The following PITPNB variants were observed in gnomAD, a reference collection of about 807,000 sequenced individuals.
The protein encoded by PITPNB is phosphatidylinositol transfer protein beta.
In PITPNB, 16 loss-of-function variants were observed where a neutral mutation model predicts 45.9. The ratio of observed to expected loss-of-function variants is 0.35; its 90% CI spans 0.24 to 0.53. The LOEUF (loss-of-function observed/expected upper bound fraction) is 0.53. Ranked by LOEUF, PITPNB falls within the 20% of genes least tolerant of loss-of-function variation. The pLI is 0.93. For missense variants in PITPNB, 188 were observed against 330.5 expected (o/e 0.57, Z 3.34); for synonymous variants, 112 against 108.9 (o/e 1.03, Z -0.18).
intron 7 of PITPNB, among the ~76,000 whole-genome samples, chr22:27,880,834 C>T (rs564219258): frequency 6.6e-6 from 1 of 152,296 alleles, no homozygotes; most frequent in East Asian, 1.9e-4. Context: ...GTTGGTCAGG[C>T]TGGTCTCGAA....
chr22:27,865,799 C>T (rs1055965061), intron 8 of PITPNB, among the ~76,000 whole-genome samples: 6 of 152,098 alleles, frequency 3.9e-5, no homozygotes, highest in African/African-American at 9.7e-5. Context: ...AACAAATCCC[C>T]GTGACATGTG....
intron 3 of PITPNB, among the ~76,000 whole-genome samples, chr22:27,906,842 T>G (rs139173188): frequency 7.2e-5 from 11 of 152,202 alleles, no homozygotes; most frequent in African/African-American, 2.7e-4. Flanking sequence ...AAATGTCCCG[T>G]GCAATGAGTA....
intron 7 of PITPNB, among the ~76,000 whole-genome samples, chr22:27,887,206 C>T (rs549406768): frequency 3.9e-5 from 6 of 152,266 alleles, no homozygotes; most frequent in South Asian, 2.1e-4. Context: ...TAAACACAGG[C>T]GCATTAGAGG....
intron 8 of PITPNB, among the ~76,000 whole-genome samples, chr22:27,866,817 TAA>T (rs1934498802): frequency 6.6e-6 from 1 of 152,202 alleles, no homozygotes; most frequent in Non-Finnish European, 1.5e-5. Context: ...TCTGTGATGT[TAA>T]GTTTCCAACC....
rs538651529 is a variant in PITPNB, at chr22:27,885,703, A to G, written c.456+8852T>C. On this transcript the variant is annotated intron_variant, in intron 7 of 11. Transcript: ENST00000335272. ...ATTTTTAGAATTTAAGGCATATAATATATATCTTATCCAGAATTACTAAAG... is the reference window on the plus strand; with the variant it reads ...ATTTTTAGAATTTAAGGCATATAATGTATATCTTATCCAGAATTACTAAAG... Among the ~76,000 whole-genome samples the G allele has an allele frequency of 2.5e-3, 386 of 152,284 alleles. 3 individuals carry two copies. The highest frequency in any genetic ancestry group is 0.017 in the Middle Eastern group (5 of 294).
At chr22:27,898,262 C>T (rs1935489863) in intron 3 of PITPNB, among the ~76,000 whole-genome samples, 1 of 152,014 alleles carries the variant, frequency 6.6e-6, no homozygotes. Flanking sequence ...GTAGCCCCAA[C>T]TATTCAGGAG....
At chr22:27,854,492 T>C (rs1473897360) in intron 11 of PITPNB, among the ~76,000 whole-genome samples, 1 of 152,188 alleles carries the variant, frequency 6.6e-6, no homozygotes, top group African/African-American at 2.4e-5. Context: ...TCTCAAGTGA[T>C]TTTGCATATT....
chr22:27,870,237 C>T (rs1480899672), intron 8 of PITPNB, among the ~76,000 whole-genome samples: 4 of 152,186 alleles, frequency 2.6e-5, no homozygotes, highest in Non-Finnish European at 5.9e-5. Context: ...GCTGAACTTA[C>T]ACCACAGGAA....
chr22:27,884,130 C>T lies in PITPNB; in HGVS notation c.457-10315G>A, dbSNP rs534096920. 2.2e-5 allele frequency among the ~76,000 whole-genome samples: 3 copies of T among 139,490 alleles called. No homozygotes were observed. In the East Asian group the frequency reaches 5.9e-4, roughly 27 times the overall value. 91.5% of individuals were successfully genotyped at this position (139,490 alleles called of 152,430 possible). ...TCAACAGCAGCAACAACCCAGGGAC[C>T]ACACAGTGTAGGGAGGGAAGGCTGG... On this transcript the variant is annotated intron_variant, in intron 7 of 11. Transcript: ENST00000335272.
At chr22:27,878,253 T>G (rs922104791) in intron 7 of PITPNB, among the ~76,000 whole-genome samples, 2 of 152,162 alleles carry the variant, frequency 1.3e-5, no homozygotes, top group Admixed American at 6.5e-5. Flanking sequence ...TGCCCTGAAT[T>G]TTCCAGTATT....
intron 8 of PITPNB, among the ~76,000 whole-genome samples, chr22:27,860,895 G>C (rs961385039): frequency 6.6e-6 from 1 of 151,922 alleles, no homozygotes; most frequent in Non-Finnish European, 1.5e-5. Flanking sequence ...TTTTTTTAAA[G>C]AGCCAAGAGA....
At chr22:27,878,376 T>TA (rs1934878796) in intron 7 of PITPNB, among the ~76,000 whole-genome samples, 3 of 151,958 alleles carry the variant, frequency 2.0e-5, no homozygotes, top group South Asian at 4.2e-4. Context: ...GTAAGCCCAT[T>TA]AAAAAAAAGT....
At chr22:27,911,329 T>C (rs1473458955) in intron 2 of PITPNB, among the ~76,000 whole-genome samples, 1 of 152,228 alleles carries the variant, frequency 6.6e-6, no homozygotes. Context: ...TTTTATAAAC[T>C]TTCATTATTC....
intron 7 of PITPNB, among the ~76,000 whole-genome samples, chr22:27,875,960 A>C (rs992396501): frequency 3.3e-5 from 5 of 152,212 alleles, no homozygotes; most frequent in Non-Finnish European, 7.3e-5. Context: ...GCAGCAAAGG[A>C]AACACACTTT....
chr22:27,889,798 T>C (rs1935222868), intron 7 of PITPNB, among the ~76,000 whole-genome samples: 1 of 152,262 alleles, frequency 6.6e-6, no homozygotes, highest in Non-Finnish European at 1.5e-5. Flanking sequence ...CATTCAGTAC[T>C]ATTGACTGCT....
chr22:27,881,149 C>T (rs1408214771), intron 7 of PITPNB, among the ~76,000 whole-genome samples: 1 of 152,188 alleles, frequency 6.6e-6, no homozygotes, highest in African/African-American at 2.4e-5. Flanking sequence ...TTATTTATAT[C>T]TTCTTTGAAG....
rs1357611791 is a variant in PITPNB, at chr22:27,897,135, C to A, written c.292G>T (p.Val98Leu). ...ACAAAAATAGTTTTACTCACCGTTACAACTGAGGCATAATGGAGAGGTAGG... is the reference window on the plus strand; with the variant it reads ...ACAAAAATAGTTTTACTCACCGTTAAAACTGAGGCATAATGGAGAGGTAGG... Reference protein sequence around the residue: ...WNAYPYCRTIVTNEYMKDDFF... With the variant: ...WNAYPYCRTILTNEYMKDDFF... Residue 98 changes from valine (V) to leucine (L), a missense_variant and splice_region_variant, in exon 5 of 12, where the codon GTA (valine) becomes TTA (leucine). Val to Leu is a conservative substitution (Grantham distance 32). Transcript: ENST00000335272. The A allele has an allele frequency of 1.3e-6, 2 of 1,573,346 alleles. No homozygotes were observed. Among genetic ancestry groups the A allele is most frequent in the East Asian group, 2.2e-5 (1 of 44,708 alleles).
intron 3 of PITPNB, among the ~76,000 whole-genome samples, chr22:27,906,240 G>T (rs1935757691): frequency 6.6e-6 from 1 of 152,198 alleles, no homozygotes; most frequent in South Asian, 2.1e-4. Flanking sequence ...GTTTATGTTA[G>T]GAAGACAGCA....
At chr22:27,887,469 C>T (rs764405940) in intron 7 of PITPNB, among the ~76,000 whole-genome samples, 1 of 152,034 alleles carries the variant, frequency 6.6e-6, no homozygotes, top group Non-Finnish European at 1.5e-5. Flanking sequence ...AACCATCCAA[C>T]CTGAGCCTCC....
Sources: gnomAD v4.1 joint callset for allele counts (sites outside exome capture counted in the v4.1 genomes callset) on GRCh38, gnomAD v4.1.1 for gene constraint, MANE v1.5 for transcripts, NCBI Gene and HGNC (gene_info 2026-07-23, HGNC 2026-07-21) for gene names.